The following TMCO5A variants were observed in gnomAD, a reference collection of about 807,000 sequenced individuals.
TMCO5A encodes the protein transmembrane and coiled-coil domain-containing protein 5A.
In TMCO5A, 34 loss-of-function variants were observed where a neutral mutation model predicts 42.3. That is an observed-to-expected ratio of 0.80 (90% CI 0.61 to 1.07). The LOEUF (loss-of-function observed/expected upper bound fraction) is 1.07, where lower values mean the gene tolerates loss of function less well. Among genes scored for constraint, TMCO5A ranks in the 50% least tolerant of loss-of-function variants. The pLI is 0.00. For missense variants in TMCO5A, 357 were observed against 327.9 expected (o/e 1.09, Z -0.69); for synonymous variants, 131 against 115.6 (o/e 1.13, Z -0.86).
At chr15:37,993,503 T>C in the TMCO5A span, 1 of 152,154 alleles carries the variant, frequency 6.6e-6, no homozygotes, top group Non-Finnish European at 1.5e-5. Flanking sequence ...ACATTAACTC[T>C]CTGAATTTCT....
Position 37,957,999 on chromosome 15 carries a change from C to T in TMCO5A, c.669-8626C>T, listed in dbSNP as rs547856439. Among the ~76,000 whole-genome samples, 136 of 152,204 alleles carry T rather than the reference C, an allele frequency of 8.9e-4. 1 individual carries two copies. The highest frequency in any genetic ancestry group is 3.2e-3 in the African/African-American group (132 of 41,544). ...AAACAAGCAATGGGGAAAGGATTCC[C>T]TATTTAATAAATGGTGTTGGGAAAA... On this transcript the variant is annotated intron_variant, in intron 11 of 11. Coordinates refer to the TMCO5A transcript ENST00000559502.
chr15:38,039,105 GA>G, the TMCO5A span, among the ~76,000 whole-genome samples: 11 of 152,062 alleles, frequency 7.2e-5, no homozygotes, highest in Non-Finnish European at 1.5e-4. Flanking sequence ...GAGGCAGGTG[GA>G]AAAAATGCAG....
chr15:37,976,798 T>C, the TMCO5A span, among the ~76,000 whole-genome samples: 4 of 145,940 alleles, frequency 2.7e-5, no homozygotes, highest in Non-Finnish European at 4.5e-5. Context: ...TCTTTCTTTT[T>C]TTTTTTTTTT....
chr15:37,975,413 G>A, the TMCO5A span, among the ~76,000 whole-genome samples: 1 of 144,746 alleles, frequency 6.9e-6, no homozygotes, highest in Non-Finnish European at 1.5e-5. Context: ...ATAAATCTGG[G>A]TGTCCCTGTG....
Position 37,943,385 on chromosome 15 carries a change from G to A in TMCO5A, c.614G>A (p.Ser205Asn). 6.2e-7 allele frequency: 1 copy of A among 1,612,300 alleles called. No individual in the cohort carries two copies. The highest frequency in any genetic ancestry group is 8.5e-7 in the Non-Finnish European group (1 of 1,179,046). The change falls in exon 10 of 12, where the codon AGC becomes AAC. Residue 205 changes from serine (S) to asparagine (N), a missense_variant. Ser to Asn is a conservative substitution (Grantham distance 46, BLOSUM62 1). Transcript: ENST00000319669. The stretch of plus-strand genomic sequence containing the variant: ...AACCCTGTGGAAAAAGAGCATACCA[G>A]CCAAAATAATGAGGTAAACACTCCA... ...SMNPVEKEHT[S>N]QNNEGTPTQK...
chr15:37,986,716 T>C, the TMCO5A span, among the ~76,000 whole-genome samples: 99 of 152,172 alleles, frequency 6.5e-4, no homozygotes, highest in Middle Eastern at 3.4e-3. Context: ...GGTCTTTTCA[T>C]GACTGGTTTA....
At chr15:37,937,897 C>T (rs181237694) in intron 5 of TMCO5A, among the ~76,000 whole-genome samples, 1 of 152,176 alleles carries the variant, frequency 6.6e-6, no homozygotes, top group Admixed American at 6.5e-5. Context: ...CTGTAGGGGG[C>T]TGTATCCTTG....
rs560300605 is a variant in TMCO5A at position 37,943,550 on chromosome 15, TAAAC to T, written c.627+161_627+164del. 308 of 635,560 alleles carry T rather than the reference TAAAC, an allele frequency of 4.8e-4. 4 individuals carry two copies. The highest frequency in any genetic ancestry group is 2.5e-3 in the South Asian group (118 of 46,558). 39.4% of individuals were successfully genotyped at this position (635,560 alleles called of 1,614,324 possible). A position where few individuals can be genotyped will look rare whatever the true frequency, so the allele number is the denominator to read the frequency against. ...CTATAATTACAGAGCATTCCAACCC[TAAAC>T]AAACAAACTAGACTCTAAGGAACAA... On this transcript the variant is annotated intron_variant, in intron 10 of 11. Transcript: ENST00000319669.
chr15:37,991,448 A>C, the TMCO5A span, among the ~76,000 whole-genome samples: 256 of 152,108 alleles, frequency 1.7e-3, 1 homozygote, highest in African/African-American at 5.6e-3. Flanking sequence ...TTGAGTTCCT[A>C]CTAGGAATTT....
At chr15:38,010,263 C>G in the TMCO5A span, among the ~76,000 whole-genome samples, 5 of 151,346 alleles carry the variant, frequency 3.3e-5, no homozygotes, top group African/African-American at 1.2e-4. Flanking sequence ...GTAGTCCCAG[C>G]TACTCGAGAG....
At chr15:37,993,643 G>A in the TMCO5A span, among the ~76,000 whole-genome samples, 1 of 152,170 alleles carries the variant, frequency 6.6e-6, no homozygotes, top group Admixed American at 6.5e-5. Flanking sequence ...TCCTCTGAAA[G>A]TTAATTCAGC....
downstream of TMCO5A, among the ~76,000 whole-genome samples, chr15:37,951,939 G>C (rs1055743447): frequency 6.6e-6 from 1 of 152,088 alleles, no homozygotes; most frequent in African/African-American, 2.4e-5. Flanking sequence ...GAGCATTTCT[G>C]TGTGGTGAGG....
At chr15:37,937,601 G>C (rs1889567025) in intron 5 of TMCO5A, among the ~76,000 whole-genome samples, 2 of 152,088 alleles carry the variant, frequency 1.3e-5, no homozygotes, top group Admixed American at 1.3e-4. Flanking sequence ...AGAGGGAAAA[G>C]GAATGGATGG....
chr15:38,019,147 A>T, the TMCO5A span, among the ~76,000 whole-genome samples: 2 of 152,172 alleles, frequency 1.3e-5, no homozygotes, highest in African/African-American at 4.8e-5. Context: ...AAGATGTGAA[A>T]CTAAACCAAT....
chr15:37,988,281 C>T, the TMCO5A span, among the ~76,000 whole-genome samples: 1 of 151,904 alleles, frequency 6.6e-6, no homozygotes, highest in Non-Finnish European at 1.5e-5. Flanking sequence ...TAAAATCATG[C>T]CATCTGTAAA....
the TMCO5A span, among the ~76,000 whole-genome samples, chr15:38,017,308 T>C: frequency 6.6e-6 from 1 of 151,958 alleles, no homozygotes; most frequent in Non-Finnish European, 1.5e-5. Flanking sequence ...CATAGTTTGG[T>C]TTCCTAACGG....
the TMCO5A span, among the ~76,000 whole-genome samples, chr15:37,973,383 G>A: frequency 6.6e-6 from 1 of 152,148 alleles, no homozygotes; most frequent in Admixed American, 6.5e-5. Context: ...GCTTTGGTCA[G>A]TATGGCCATT....
chr15:37,986,791 G>C, the TMCO5A span, among the ~76,000 whole-genome samples: 1 of 151,720 alleles, frequency 6.6e-6, no homozygotes, highest in African/African-American at 2.4e-5. Flanking sequence ...TTCTTTTTAA[G>C]ACTGAATAAT....
the TMCO5A span, among the ~76,000 whole-genome samples, chr15:37,975,141 G>A: frequency 6.6e-6 from 1 of 152,162 alleles, no homozygotes; most frequent in Non-Finnish European, 1.5e-5. Context: ...AATTTGCTAA[G>A]GATTGTTTTA....
Sources: gnomAD v4.1 joint callset for allele counts (sites outside exome capture counted in the v4.1 genomes callset) on GRCh38, gnomAD v4.1.1 for gene constraint, MANE v1.5 for transcripts, NCBI Gene and HGNC (gene_info 2026-07-23, HGNC 2026-07-21) for gene names.